Variants in MFHAS1 observed in about 807,000 individuals in gnomAD.
MFHAS1 encodes the protein multifunctional ROCO family signaling regulator 1.
MFHAS1 carries 50 observed loss-of-function variants against 70.4 expected under a neutral mutation model. The ratio of observed to expected loss-of-function variants is 0.71; its 90% confidence interval spans 0.57 to 0.90. The LOEUF is 0.90. Ranked by LOEUF, MFHAS1 falls within the 40% of genes least tolerant of loss-of-function variation. The pLI is 0.00. For missense variants in MFHAS1, 1,795 were observed against 1,347.6 expected (o/e 1.33, Z -5.20); for synonymous variants, 952 against 620.0 (o/e 1.54, Z -7.96).
intron 1 of MFHAS1, among the ~76,000 whole-genome samples, chr8:8,880,704 A>C (rs1285298977): frequency 1.4e-5 from 2 of 144,702 alleles, no homozygotes; most frequent in East Asian, 2.0e-4. Flanking sequence ...TTTTTCCCCC[A>C]GATGGAGTCT....
intron 2 of MFHAS1, 140 bp from the exon 3 acceptor site, chr8:8,786,195 C>T: frequency 2.5e-6 from 2 of 790,564 alleles, no homozygotes; most frequent in South Asian, 3.3e-5. Flanking sequence ...TCATTATAAA[C>T]ATGTAAATGT....
At chr8:8,865,703 A>G (rs1490737812) in intron 1 of MFHAS1, among the ~76,000 whole-genome samples, 1 of 152,184 alleles carries the variant, frequency 6.6e-6, no homozygotes, top group Non-Finnish European at 1.5e-5. Flanking sequence ...AATTTCTAGT[A>G]ATTATTATCT....
chr8:8,819,074 A>G (rs1460581718), intron 1 of MFHAS1, among the ~76,000 whole-genome samples: 1 of 152,068 alleles, frequency 6.6e-6, no homozygotes, highest in African/African-American at 2.4e-5. Context: ...TGGCTAAATA[A>G]AGTCGGCTTA....
chr8:8,851,285 T>C (rs1585051538), intron 1 of MFHAS1, among the ~76,000 whole-genome samples: 1 of 152,242 alleles, frequency 6.6e-6, no homozygotes, highest in Non-Finnish European at 1.5e-5. Flanking sequence ...CAAATATTAA[T>C]ATTTAGCATT....
At chr8:8,847,014 G>T (rs1047137600) in intron 1 of MFHAS1, among the ~76,000 whole-genome samples, 4 of 152,116 alleles carry the variant, frequency 2.6e-5, no homozygotes, top group African/African-American at 4.8e-5. Context: ...ATGAATAAAT[G>T]AATGAGTGAA....
chr8:8,796,511 G>A lies in MFHAS1; in HGVS notation c.3125+854C>T, dbSNP rs543102663. ...ATCCTGGCTAACAGGGTGAAACCCC[G>A]TCTCTACTAAAAATACAAAAAAATT... On this transcript the variant is annotated intron_variant, in intron 2 of 2. Transcript: ENST00000276282. Among the ~76,000 whole-genome samples, 490 of 150,120 alleles carry A rather than the reference G, an allele frequency of 3.3e-3. 1 individual carries two copies. Among genetic ancestry groups the A allele is most frequent in the African/African-American group, 0.012 (473 of 40,756 alleles).
At chr8:8,882,700 T>G (rs1417057729) in intron 1 of MFHAS1, among the ~76,000 whole-genome samples, 2 of 152,248 alleles carry the variant, frequency 1.3e-5, no homozygotes, top group Non-Finnish European at 2.9e-5. Flanking sequence ...TGATCTGCCC[T>G]GTGCCAGGCA....
At chr8:8,795,055 G>C (rs556764525) in intron 2 of MFHAS1, among the ~76,000 whole-genome samples, 153 of 152,254 alleles carry the variant, frequency 1.0e-3, no homozygotes, top group African/African-American at 3.5e-3. Flanking sequence ...CTATTCGACG[G>C]CACTTGGCTA....
At chr8:8,831,605 A>G (rs922996062) in intron 1 of MFHAS1, among the ~76,000 whole-genome samples, 1 of 151,448 alleles carries the variant, frequency 6.6e-6, no homozygotes, top group Non-Finnish European at 1.5e-5. Flanking sequence ...AGACAAACAC[A>G]TAAATGGTCA....
intron 1 of MFHAS1, among the ~76,000 whole-genome samples, chr8:8,834,605 G>A (rs964239867): frequency 1.3e-5 from 2 of 152,202 alleles, no homozygotes; most frequent in East Asian, 3.8e-4. Context: ...CAACAGGCTT[G>A]ACCATATAGC....
intron 1 of MFHAS1, among the ~76,000 whole-genome samples, chr8:8,882,728 T>C (rs902166940): frequency 6.6e-6 from 1 of 152,366 alleles, no homozygotes. Context: ...GCTTCATTCA[T>C]GCTAGAGCAG....
intron 1 of MFHAS1, among the ~76,000 whole-genome samples, chr8:8,840,461 C>CAAAAAAA (rs141909980): frequency 7.0e-4 from 57 of 81,902 alleles, no homozygotes; most frequent in East Asian, 9.7e-4. Context: ...CATCTCAATA[C>CAAAAAAA]AAAAAAAAAA....
chr8:8,799,098 G>A (rs1806000524), intron 1 of MFHAS1, among the ~76,000 whole-genome samples: 1 of 151,554 alleles, frequency 6.6e-6, no homozygotes, highest in South Asian at 2.1e-4. Flanking sequence ...CTCCAAAGAA[G>A]AGCAGTCCCC....
At chr8:8,882,375 C>G (rs1056393324) in intron 1 of MFHAS1, among the ~76,000 whole-genome samples, 1 of 151,750 alleles carries the variant, frequency 6.6e-6, no homozygotes, top group Non-Finnish European at 1.5e-5. Context: ...GGAGACAGAG[C>G]GAGACTCAGT....
At chr8:8,889,256 C>G (rs75054311) in intron 1 of MFHAS1, among the ~76,000 whole-genome samples, 3 of 152,150 alleles carry the variant, frequency 2.0e-5, no homozygotes, top group African/African-American at 7.2e-5. Flanking sequence ...AAACTCGAAA[C>G]TGCCAGGAAA....
chr8:8,804,657 C>T (rs988562767), intron 1 of MFHAS1, among the ~76,000 whole-genome samples: 4 of 152,198 alleles, frequency 2.6e-5, no homozygotes, highest in African/African-American at 9.6e-5. Context: ...CCACTTCTTC[C>T]AAGCATCCTC....
intron 1 of MFHAS1, among the ~76,000 whole-genome samples, chr8:8,886,698 G>C (rs542666420): frequency 6.6e-6 from 1 of 152,136 alleles, no homozygotes; most frequent in African/African-American, 2.4e-5. Context: ...ACATCCCAAA[G>C]TTAAGAAAAT....
At chr8:8,874,297 C>T (rs1809203653) in intron 1 of MFHAS1, among the ~76,000 whole-genome samples, 2 of 150,842 alleles carry the variant, frequency 1.3e-5, no homozygotes, top group Non-Finnish European at 3.0e-5. Flanking sequence ...TGGTAGACTA[C>T]TATGCTATAT....
chr8:8,883,568 C>CAGAT (rs1319311950), intron 1 of MFHAS1, among the ~76,000 whole-genome samples: 1 of 151,560 alleles, frequency 6.6e-6, no homozygotes. Flanking sequence ...ATTAGCTGGG[C>CAGAT]GTGGTGGTGC....
Sources: gnomAD v4.1 joint callset for allele counts (sites outside exome capture counted in the v4.1 genomes callset) on GRCh38, gnomAD v4.1.1 for gene constraint, MANE v1.5 for transcripts, NCBI Gene and HGNC (gene_info 2026-07-23, HGNC 2026-07-21) for gene names.